The following PPARD variants were observed in gnomAD, a reference collection of about 807,000 sequenced individuals.
PPARD encodes the protein peroxisome proliferator activated receptor delta.
Under a neutral mutation model 39.5 loss-of-function variants are expected in PPARD, and 6 were observed. The observed-to-expected ratio is 0.15, with a 90% CI of 0.08 to 0.30. PPARD has a LOEUF of 0.30. Ranked by LOEUF, PPARD falls within the 10% of genes least tolerant of loss-of-function variation. The probability of loss-of-function intolerance (pLI) is 1.00; values close to 1 mark genes in which losing one functional copy is unlikely to be tolerated. For missense variants in PPARD, 397 were observed against 596.8 expected (o/e 0.67, Z 3.49); for synonymous variants, 210 against 231.3 (o/e 0.91, Z 0.83).
intron 2 of PPARD, among the ~76,000 whole-genome samples, chr6:35,402,589 G>A (rs1581634636): frequency 6.6e-6 from 1 of 152,168 alleles, no homozygotes; most frequent in Non-Finnish European, 1.5e-5. Flanking sequence ...TGTGGAATGC[G>A]TGGGTGGCCT....
At chr6:35,370,249 G>T (rs1762410504) in intron 2 of PPARD, among the ~76,000 whole-genome samples, 1 of 152,166 alleles carries the variant, frequency 6.6e-6, no homozygotes. Context: ...AGCTCTAGCT[G>T]CCCGGGTCCT....
chr6:35,423,779 T>C (rs776462920), intron 5 of PPARD, among the ~76,000 whole-genome samples, 167 bp from the exon 6 acceptor site: 2 of 151,648 alleles, frequency 1.3e-5, no homozygotes, highest in Admixed American at 6.6e-5. Context: ...CTTGTGGAGC[T>C]TGCGATCTGG....
At chr6:35,396,631 C>T (rs1456480691) in intron 2 of PPARD, among the ~76,000 whole-genome samples, 1 of 150,256 alleles carries the variant, frequency 6.7e-6, no homozygotes, top group Non-Finnish European at 1.5e-5. Flanking sequence ...GAGACAGAGA[C>T]CATCCTGGTT....
intron 2 of PPARD, among the ~76,000 whole-genome samples, chr6:35,386,803 T>A (rs1763690304): frequency 6.6e-6 from 1 of 152,056 alleles, no homozygotes; most frequent in South Asian, 2.1e-4. Flanking sequence ...GTAGTCTTTC[T>A]CCTACCATTT....
At chr6:35,405,451 T>C (rs151115763) in intron 2 of PPARD, among the ~76,000 whole-genome samples, 3,176 of 151,788 alleles carry the variant, frequency 0.021, 47 homozygotes, top group Non-Finnish European at 0.034. Context: ...TGTCTGGGGG[T>C]CTGAAGCTCC....
At chr6:35,410,508 T>C (rs932035314) in intron 2 of PPARD, among the ~76,000 whole-genome samples, 2 of 152,138 alleles carry the variant, frequency 1.3e-5, no homozygotes, top group African/African-American at 2.4e-5. Context: ...ACCCAACCAC[T>C]GAAAGGATGG....
intron 2 of PPARD, among the ~76,000 whole-genome samples, chr6:35,406,332 TG>T (rs1387447556): frequency 1.3e-5 from 2 of 152,102 alleles, no homozygotes; most frequent in African/African-American, 4.8e-5. Context: ...ATCTAGACAG[TG>T]GGCCTAGGTC....
intron 2 of PPARD, among the ~76,000 whole-genome samples, chr6:35,358,729 C>T (rs1015551897): frequency 1.3e-5 from 2 of 152,216 alleles, no homozygotes; most frequent in African/African-American, 4.8e-5. Flanking sequence ...ACAAAGAGTT[C>T]TTTCAGACCA....
At position 35,425,147 on chromosome 6, in the gene PPARD, G is replaced by A. The variant is rs1399095668; in HGVS notation, c.1078+368G>A. The A allele has an allele frequency of 1.8e-5, 14 of 763,138 alleles. No individual in the cohort carries two copies. The highest frequency in any genetic ancestry group is 5.0e-5 in the Admixed American group (1 of 20,150). The allele number at this position is 763,138 out of a possible 1,614,324, so 47.3% of individuals were successfully genotyped here. A position where few individuals can be genotyped will look rare whatever the true frequency, so the allele number is the denominator to read the frequency against. On this transcript the variant is annotated intron_variant, in intron 7 of 7. Transcript: ENST00000360694. This position sits in a 1 kb window ranked among gnomAD's most constrained non-coding sequence, Gnocchi z 4.5. ...AAATTAGCCAGATGTGGTGGCACGC[G>A]CCTGTAATCCCAGCTACTTGGGAGG...
Position 35,424,094 on chromosome 6 carries a change from C to T in PPARD, c.573C>T (p.Asn191=). The T allele has an allele frequency of 6.2e-7, 1 of 1,614,044 alleles. No individual in the cohort carries two copies. Among genetic ancestry groups the T allele is most frequent in the Non-Finnish European group, 8.5e-7 (1 of 1,180,040 alleles). The change falls in exon 6 of 8, where the codon AAC becomes AAT. Residue 191 remains asparagine (N), a synonymous_variant. Transcript: ENST00000360694. The surrounding 1 kb of genome is among the most constrained non-coding windows in gnomAD (Gnocchi z 7.1). ...ACAATGCCTACCTGAAAAACTTCAACATGACCAAAAAGAAGGCCCGCAGCA... is the reference window on the plus strand; with the variant it reads ...ACAATGCCTACCTGAAAAACTTCAATATGACCAAAAAGAAGGCCCGCAGCA... ...HIYNAYLKNF[N]MTKKKARSIL...
chr6:35,392,770 C>T (rs1238817413), intron 2 of PPARD, among the ~76,000 whole-genome samples: 1 of 152,178 alleles, frequency 6.6e-6, no homozygotes, highest in African/African-American at 2.4e-5. Flanking sequence ...TAGTGACCTT[C>T]TGCTCTGGTG....
At chr6:35,395,959 C>T (rs9368865) in intron 2 of PPARD, among the ~76,000 whole-genome samples, 6,480 of 152,236 alleles carry the variant, frequency 0.043, 350 homozygotes, top group East Asian at 0.29. Flanking sequence ...CACAGAGGTG[C>T]TGTGCACTGT....
At chr6:35,358,225 C>T (rs998570230) in intron 2 of PPARD, among the ~76,000 whole-genome samples, 3 of 152,158 alleles carry the variant, frequency 2.0e-5, no homozygotes, top group East Asian at 3.8e-4. Context: ...CAAGATGCTA[C>T]ACTGCTGGCT....
chr6:35,400,524 G>A (rs1418983892), intron 2 of PPARD, among the ~76,000 whole-genome samples: 4 of 152,158 alleles, frequency 2.6e-5, no homozygotes, highest in African/African-American at 7.2e-5. Context: ...AGGTAGCTGG[G>A]CATGGTGGCT....
Position 35,421,935 on chromosome 6 carries a change from T to C in PPARD, c.401T>C (p.Leu134Pro). Reference sequence around the variant, plus strand: ...CAGTACTGCCGCTTCCAGAAGTGCCTGGCACTGGGCATGTCACACAACGGT... The same window carrying C: ...CAGTACTGCCGCTTCCAGAAGTGCCCGGCACTGGGCATGTCACACAACGGT... ...KCQYCRFQKCLALGMSHNAIR... is the reference protein window; with the variant it reads ...KCQYCRFQKCPALGMSHNAIR... The change falls in exon 5 of 8, where the codon CTG becomes CCG. Residue 134 changes from leucine (L) to proline (P), a missense_variant. Transcript: ENST00000360694. 1 of 1,613,280 alleles carries C rather than the reference T, an allele frequency of 6.2e-7. No individual in the cohort carries two copies. Among genetic ancestry groups the C allele is most frequent in the Non-Finnish European group, 8.5e-7 (1 of 1,179,584 alleles).
chr6:35,354,577 G>A (rs1490597958), intron 2 of PPARD, among the ~76,000 whole-genome samples: 2 of 152,046 alleles, frequency 1.3e-5, no homozygotes, highest in Non-Finnish European at 2.9e-5. Flanking sequence ...GGAATTACAG[G>A]CATGAGCCAC....
At chr6:35,396,691 G>A (rs1022285998) in intron 2 of PPARD, among the ~76,000 whole-genome samples, 3 of 151,934 alleles carry the variant, frequency 2.0e-5, no homozygotes, top group South Asian at 2.1e-4. Context: ...TTAGCTGGGC[G>A]TGGTAGCATG....
chr6:35,401,522 C>T lies in PPARD; in HGVS notation c.-101-9465C>T, dbSNP rs142947605. 3.7e-4 allele frequency among the ~76,000 whole-genome samples: 57 copies of T among 152,332 alleles called. 1 individual carries two copies. The East Asian group carries it at 7.1e-3, about 19-fold the overall frequency. The stretch of plus-strand genomic sequence containing the variant: ...CACATCCTCAGCTTACCCTTCAAGA[C>T]GCTGAGTGACCTCTAGCCACAGCCC... On this transcript the variant is annotated intron_variant, in intron 2 of 7. Coordinates refer to ENST00000360694, the MANE Select transcript of PPARD (RefSeq NM_006238.5). The surrounding 1 kb of genome is among the most constrained non-coding windows in gnomAD (Gnocchi z 4.1).
chr6:35,345,406 C>T (rs1199227159), intron 1 of PPARD, among the ~76,000 whole-genome samples: 1 of 152,110 alleles, frequency 6.6e-6, no homozygotes, highest in Admixed American at 6.6e-5. Flanking sequence ...CTGCTTCAGC[C>T]TCCAGAGTAG....
Sources: gnomAD v4.1 joint callset for allele counts (sites outside exome capture counted in the v4.1 genomes callset) on GRCh38, gnomAD v4.1.1 for gene constraint, Gnocchi (gnomAD v3.1) non-coding constraint, MANE v1.5 for transcripts, NCBI Gene and HGNC (gene_info 2026-07-23, HGNC 2026-07-21) for gene names.